Variants in VWA3B observed in about 807,000 individuals in gnomAD.
The protein encoded by VWA3B is von Willebrand factor A domain containing 3B, also known as von Willebrand factor A domain-containing protein 3B.
VWA3B carries 138 observed loss-of-function variants against 158.3 expected under a neutral mutation model. That is an observed-to-expected ratio of 0.87 (90% CI 0.76 to 1.00). The LOEUF is 1.00. Ranked by LOEUF, VWA3B falls within the 50% of genes least tolerant of loss-of-function variation. The pLI, the probability that VWA3B is intolerant of heterozygous loss-of-function variation, is 0.00. For synonymous variants in VWA3B, 596 were observed against 587.3 expected (o/e 1.01, Z -0.21); for missense variants, 1,555 against 1,565.1 (o/e 0.99, Z 0.11).
At chr2:98,131,325 C>T (rs370208248) in intron 6 of VWA3B, among the ~76,000 whole-genome samples, 6 of 152,262 alleles carry the variant, frequency 3.9e-5, no homozygotes, top group Admixed American at 2.6e-4. Context: ...TAAGTATATA[C>T]CACCTTTCTT....
intron 12 of VWA3B, among the ~76,000 whole-genome samples, chr2:98,209,344 G>C (rs796378072): frequency 6.6e-5 from 10 of 151,810 alleles, no homozygotes; most frequent in African/African-American, 2.2e-4. Flanking sequence ...GTGGTGGCGC[G>C]ATCTCGGCTC....
intron 7 of VWA3B, among the ~76,000 whole-genome samples, chr2:98,144,566 C>CTT (rs34924678): frequency 1.4e-5 from 2 of 143,928 alleles, no homozygotes; most frequent in African/African-American, 5.1e-5. Flanking sequence ...TTCTTTCTTT[C>CTT]TTTTTTTTTT....
downstream of VWA3B, among the ~76,000 whole-genome samples, chr2:98,313,853 C>T (rs1209575583): frequency 1.3e-5 from 2 of 152,152 alleles, no homozygotes; most frequent in Admixed American, 6.5e-5. Context: ...TTGCAGTGCA[C>T]AAGGCCATCA....
intron 11 of VWA3B, 73 bp downstream of exon 11, chr2:98,193,109 T>C: frequency 6.6e-7 from 1 of 1,508,276 alleles, no homozygotes. Context: ...GATAGGGGCT[T>C]GTTGCTCTAA....
At chr2:98,088,426 A>G (rs1490535326) in intron 1 of VWA3B, among the ~76,000 whole-genome samples, 1 of 152,192 alleles carries the variant, frequency 6.6e-6, no homozygotes, top group East Asian at 1.9e-4. Context: ...ATCTGCTTCC[A>G]GTAGACGGGG....
intron 25 of VWA3B, 120 bp from the exon 26 acceptor site, chr2:98,303,582 G>A: frequency 3.4e-6 from 3 of 889,144 alleles, no homozygotes; most frequent in Non-Finnish European, 5.3e-6. Context: ...TCTTTTAAGT[G>A]TCACCCTGAA....
chr2:98,206,936 A>C (rs182314432), intron 12 of VWA3B: 1 of 466,684 alleles, frequency 2.1e-6, no homozygotes, highest in Non-Finnish European at 4.3e-6. Context: ...GTTACCTCCA[A>C]GGTAATGCTG....
chr2:98,210,973 T>G (rs1453347447), intron 12 of VWA3B, among the ~76,000 whole-genome samples: 2 of 152,196 alleles, frequency 1.3e-5, no homozygotes, highest in Non-Finnish European at 2.9e-5. Flanking sequence ...CAGTGAGCTC[T>G]GGTCCATCTC....
intron 12 of VWA3B, chr2:98,206,445 A>G (rs569379650): frequency 3.0e-5 from 9 of 300,876 alleles, no homozygotes; most frequent in Admixed American, 2.8e-4. Context: ...TTTTGTGGTG[A>G]CCCAGCATTT....
At chr2:98,230,499 G>A (rs11900430) in intron 16 of VWA3B, among the ~76,000 whole-genome samples, 2,053 of 152,188 alleles carry the variant, frequency 0.013, 45 homozygotes, top group African/African-American at 0.047. Flanking sequence ...ACTTGTACCC[G>A]TGTGAGTGTG....
intron 5 of VWA3B, among the ~76,000 whole-genome samples, chr2:98,122,335 C>A (rs1294369962): frequency 6.6e-6 from 1 of 152,188 alleles, no homozygotes; most frequent in African/African-American, 2.4e-5. Context: ...AGGTTTCAGA[C>A]TTTACCCAGC....
At chr2:98,104,648 A>G (rs1559535316) in intron 2 of VWA3B, among the ~76,000 whole-genome samples, 1 of 152,208 alleles carries the variant, frequency 6.6e-6, no homozygotes, top group Admixed American at 6.5e-5. Flanking sequence ...TATACATTTA[A>G]TGTAATAATT....
chr2:98,092,985 T>C (rs1204482465), intron 1 of VWA3B, 76 bp from the exon 2 acceptor site: 2 of 1,017,776 alleles, frequency 2.0e-6, no homozygotes, highest in Non-Finnish European at 2.8e-6. Flanking sequence ...CTATAATTTA[T>C]GTTAAGCCAG....
chr2:98,106,327 A>AT (rs1274461518), intron 2 of VWA3B, among the ~76,000 whole-genome samples: 11 of 148,456 alleles, frequency 7.4e-5, no homozygotes, highest in South Asian at 2.2e-4. Context: ...CTCCTACTTT[A>AT]TTTTTTTTTC....
chr2:98,318,033 A>G (rs1691124947), downstream of VWA3B, among the ~76,000 whole-genome samples: 1 of 152,216 alleles, frequency 6.6e-6, no homozygotes, highest in East Asian at 1.9e-4. Context: ...ATCATCTCAC[A>G]CCAGTCAGAA....
Position 98,162,920 on chromosome 2 carries a change from A to T in VWA3B, c.1058A>T (p.Gln353Leu). The T allele has an allele frequency of 6.2e-7, 1 of 1,614,102 alleles. No individual in the cohort carries two copies. The highest frequency in any genetic ancestry group is 1.1e-5 in the South Asian group (1 of 91,078). ...EMEEACSTLA[Q>L]IQRLVAEPPK... is the part of the protein sequence containing the mutation. The stretch of plus-strand genomic sequence containing the variant: ...GAGGAAGCCTGCAGCACGCTGGCCC[A>T]GATCCAGAGGCTGGTGGCCGAGCCT... Residue 353 changes from glutamine (Q) to leucine (L), a missense_variant, in exon 8 of 28, where the codon CAG (glutamine) becomes CTG (leucine). Coordinates refer to ENST00000477737, the MANE Select transcript of VWA3B (RefSeq NM_144992.5).
intron 8 of VWA3B, among the ~76,000 whole-genome samples, chr2:98,176,305 C>T (rs1023656739): frequency 1.4e-4 from 17 of 125,926 alleles, no homozygotes; most frequent in African/African-American, 4.7e-4. Context: ...TCCCTTCTAT[C>T]TTTCCCTCCT....
At chr2:98,248,864 TTTC>T (rs1223620391) in intron 19 of VWA3B, among the ~76,000 whole-genome samples, 2 of 23,330 alleles carry the variant, frequency 8.6e-5, no homozygotes, top group African/African-American at 1.1e-3. Context: ...TCTTTCTTTC[TTTC>T]TTTCTTTCTT....
chr2:98,244,598 C>T (rs1230980875), intron 19 of VWA3B, among the ~76,000 whole-genome samples: 1 of 151,892 alleles, frequency 6.6e-6, no homozygotes, highest in Non-Finnish European at 1.5e-5. Context: ...GAATCTCAGC[C>T]GTTAATTTAT....
Sources: allele counts gnomAD v4.1 joint callset (sites outside exome capture counted in the v4.1 genomes callset), GRCh38; gene constraint gnomAD v4.1.1; transcripts MANE v1.5; gene names NCBI Gene and HGNC (gene_info 2026-07-23, HGNC 2026-07-21).